MFSD2A: variants seen among roughly 807,000 people sequenced by gnomAD.
MFSD2A encodes sodium-dependent lysophosphatidylcholine symporter 1.
A neutral mutation model predicts 64.7 loss-of-function variants in MFSD2A; 27 were observed. The observed-to-expected ratio is 0.42, with a 90% CI of 0.31 to 0.58. The LOEUF (loss-of-function observed/expected upper bound fraction) is 0.58. MFSD2A is among the 20% of genes least tolerant of loss of function. The pLI is 0.18. For synonymous variants in MFSD2A, 258 were observed against 273.4 expected (o/e 0.94, Z 0.55); for missense variants, 474 against 679.5 (o/e 0.70, Z 3.36).
In MFSD2A at chr1:39,955,180, G is replaced by T. The variant is rs1644896879; in HGVS notation, c.-113G>T. 3.5e-6 allele frequency: 3 copies of T among 851,150 alleles called. No individual in the cohort carries two copies. The highest frequency in any genetic ancestry group is 3.5e-5 in the African/African-American group (2 of 56,748). The allele number at this position is 851,150 out of a possible 1,614,324, so 52.7% of individuals were successfully genotyped here. ...CCTCGTCTGCCAGCCGGCTTGGCTA[G>T]CGCGCGGCGGCCGTGGCTAAGGCTG... On this transcript the variant is annotated 5_prime_UTR_variant, in exon 1 of 14. Coordinates refer to ENST00000372811, the MANE Select transcript of MFSD2A (RefSeq NM_032793.5). This position sits in a 1 kb window ranked among gnomAD's most constrained non-coding sequence, Gnocchi z 5.9.
rs533659450 is a variant in MFSD2A at position 39,955,403 on chromosome 1, C to T, written c.93+18C>T. On this transcript the variant is annotated intron_variant, in intron 1 of 13. Coordinates refer to ENST00000372811, the MANE Select transcript of MFSD2A (RefSeq NM_032793.5). The surrounding 1 kb of genome is among the most constrained non-coding windows in gnomAD (Gnocchi z 5.9). ...AGGTGAAGGTGAGGGCCCGGCACCCCGCGTGGAGGGCGAGGGGAGGGAGGA... is the reference window on the plus strand; with the variant it reads ...AGGTGAAGGTGAGGGCCCGGCACCCTGCGTGGAGGGCGAGGGGAGGGAGGA... The T allele has an allele frequency of 5.3e-5, 80 of 1,510,292 alleles. 1 individual carries two copies. The Admixed American group carries it at 1.1e-3, about 22-fold the overall frequency. The allele number at this position is 1,510,292 out of a possible 1,614,324, so 93.6% of individuals were successfully genotyped here.
rs1570241405 is a variant in MFSD2A at position 39,960,231 on chromosome 1, G to T, written c.353+1406G>T. Among the ~76,000 whole-genome samples, 1 of 152,206 alleles carries T rather than the reference G, an allele frequency of 6.6e-6. No homozygotes were observed. On this transcript the variant is annotated intron_variant, in intron 3 of 13. Transcript: ENST00000372811. The surrounding 1 kb of genome is among the most constrained non-coding windows in gnomAD (Gnocchi z 4.8). Reference sequence around the variant, plus strand: ...CCTCCAGGACATCCTGCTTCAGGGTGTGGGGGGGCATACCCCTTTCATCTC... The same window carrying T: ...CCTCCAGGACATCCTGCTTCAGGGTTTGGGGGGGCATACCCCTTTCATCTC...
At chr1:39,959,424 A>T (rs1644990030) in intron 3 of MFSD2A, among the ~76,000 whole-genome samples, 1 of 151,374 alleles carries the variant, frequency 6.6e-6, no homozygotes. Context: ...ATCTTTTAAA[A>T]TTATTATTTG....
Position 39,965,499 on chromosome 1 carries a change from C to T in MFSD2A, c.506C>T (p.Thr169Ile). 6.2e-7 allele frequency: 1 copy of T among 1,614,122 alleles called. No individual in the cohort carries two copies. Among genetic ancestry groups the T allele is most frequent in the Non-Finnish European group, 8.5e-7 (1 of 1,180,018 alleles). ...TTCCATGTTCCCTACTCGGCTCTCA[C>T]CATGTTCATCAGCACCGAGCAGACT... ...TCFHVPYSAL[T>I]MFISTEQTER... Residue 169 changes from threonine (T) to isoleucine (I), a missense_variant, in exon 5 of 14, where the codon ACC (threonine) becomes ATC (isoleucine). Physicochemically the swap from Thr to Ile is moderately conservative, Grantham distance 89. Coordinates refer to ENST00000372811, the MANE Select transcript of MFSD2A (RefSeq NM_032793.5). This position sits in a 1 kb window ranked among gnomAD's most constrained non-coding sequence, Gnocchi z 5.5.
At chr1:39,962,612 T>C in intron 3 of MFSD2A, 4 of 802,258 alleles carry the variant, frequency 5.0e-6, no homozygotes, top group South Asian at 4.4e-5. Flanking sequence ...TGGGGAACTC[T>C]GGTGCCTTCC....
intron 11 of MFSD2A, 84 bp downstream of exon 11, chr1:39,968,000 G>A: frequency 3.5e-6 from 3 of 845,252 alleles, no homozygotes; most frequent in South Asian, 1.7e-5. Context: ...GTTCTATGCA[G>A]TGTTCTCCCA....
chr1:39,966,201 A>C (rs1024988104), intron 6 of MFSD2A, among the ~76,000 whole-genome samples, 187 bp downstream of exon 6: 1 of 152,254 alleles, frequency 6.6e-6, no homozygotes, highest in Non-Finnish European at 1.5e-5. Flanking sequence ...AGGCTGAATA[A>C]GTTGCCCAGA....
Position 39,958,206 on chromosome 1 carries a change from G to A in MFSD2A, c.229-495G>A, listed in dbSNP as rs934192952. On this transcript the variant is annotated intron_variant, in intron 2 of 13. Transcript: ENST00000372811. The surrounding 1 kb of genome is among the most constrained non-coding windows in gnomAD (Gnocchi z 4.7). Reference sequence around the variant, plus strand: ...TGGGGCGGGGAGGGGGATAACTTGAGTGGGTAGTGACAAGTCCCTTTTTAA... The same window carrying A: ...TGGGGCGGGGAGGGGGATAACTTGAATGGGTAGTGACAAGTCCCTTTTTAA... 6.6e-6 allele frequency among the ~76,000 whole-genome samples: 1 copy of A among 152,226 alleles called. No homozygotes were observed. The highest frequency in any genetic ancestry group is 3.4e-3 in the Middle Eastern group (1 of 294).
At chr1:39,956,141 G>C (rs1644922940) in intron 1 of MFSD2A, among the ~76,000 whole-genome samples, 7 of 152,200 alleles carry the variant, frequency 4.6e-5, no homozygotes, top group Non-Finnish European at 8.8e-5. Flanking sequence ...AACCTCCCTA[G>C]TGCCCCACCC....
At chr1:39,962,713 A>G in intron 3 of MFSD2A, 3 of 788,596 alleles carry the variant, frequency 3.8e-6, no homozygotes, top group Non-Finnish European at 6.5e-6. Flanking sequence ...GGCAAGGCCG[A>G]GGATAAGGAG....
chr1:39,969,427 G>A lies in MFSD2A; in HGVS notation c.1530-78G>A, dbSNP rs75536521. 72 of 1,300,238 alleles carry A rather than the reference G, an allele frequency of 5.5e-5. 1 individual carries two copies. In the East Asian group the frequency reaches 1.5e-3, roughly 27 times the overall value. The allele number at this position is 1,300,238 out of a possible 1,614,324, so 80.5% of individuals were successfully genotyped here. ...AGTCCGACAGCAGGGCCAAGATCAC[G>A]TGAGGAAGGAGGCAGGTGGGGCTGA... On this transcript the variant is annotated intron_variant, in intron 13 of 13. Transcript: ENST00000372811.
chr1:39,967,218 G>A (rs780343749), intron 9 of MFSD2A, 49 bp downstream of exon 9: 7 of 1,528,340 alleles, frequency 4.6e-6, no homozygotes, highest in Non-Finnish European at 6.3e-6. Context: ...AGGTGACATA[G>A]GCTGTGGAAT....
In MFSD2A at chr1:39,966,876, C is replaced by G; in HGVS notation, c.871C>G (p.His291Asp). The change falls in exon 8 of 14, where the codon CAC becomes GAC. Residue 291 changes from histidine (H) to aspartate (D), a missense_variant. Physicochemically the swap from His to Asp is moderately conservative, Grantham distance 81. Coordinates refer to ENST00000372811, the MANE Select transcript of MFSD2A (RefSeq NM_032793.5). ...CCGGGGCCTACGGCTGGTCATGAGC[C>G]ACGGCCCATACATCAAACTTATTAC... ...YFRGLRLVMS[H>D]GPYIKLITGF... The G allele has an allele frequency of 6.2e-7, 1 of 1,613,920 alleles. No homozygotes were observed.
chr1:39,958,065 G>C lies in MFSD2A; in HGVS notation c.229-636G>C, dbSNP rs1570236761. ...TGTTAGAGCTGGGGTTGGGGGGTTA[G>C]ACTAGGGAGACTATGGTATGGGGAA... On this transcript the variant is annotated intron_variant, in intron 2 of 13. Transcript: ENST00000372811. The surrounding 1 kb of genome is among the most constrained non-coding windows in gnomAD (Gnocchi z 4.7). The C allele has an allele frequency of 6.5e-6, 1 of 153,624 alleles. No individual in the cohort carries two copies. The highest frequency in any genetic ancestry group is 1.9e-4 in the East Asian group (1 of 5,176). 9.5% of individuals were successfully genotyped at this position (153,624 alleles called of 1,614,324 possible). A position where few individuals can be genotyped will look rare whatever the true frequency, so the allele number is the denominator to read the frequency against.
rs1438996304 is a variant in MFSD2A, at chr1:39,960,895, C to T, written c.353+2070C>T. ...AGCAGGTGCCTGTGTGCACATGCTT[C>T]TGTGGCTGGTGGTGCCTGTGTATGC... On this transcript the variant is annotated intron_variant, in intron 3 of 13. Transcript: ENST00000372811. The surrounding 1 kb of genome is among the most constrained non-coding windows in gnomAD (Gnocchi z 4.8). Among the ~76,000 whole-genome samples, 2 of 152,196 alleles carry T rather than the reference C, an allele frequency of 1.3e-5. No individual in the cohort carries two copies. Among genetic ancestry groups the T allele is most frequent in the Admixed American group, 1.3e-4 (2 of 15,276 alleles).
Position 39,968,147 on chromosome 1 carries a change from C to T in MFSD2A, c.1209-187C>T. The T allele has an allele frequency of 1.4e-6, 1 of 732,592 alleles. No homozygotes were observed. 45.4% of individuals were successfully genotyped at this position (732,592 alleles called of 1,614,324 possible). A position where few individuals can be genotyped will look rare whatever the true frequency, so the allele number is the denominator to read the frequency against. On this transcript the variant is annotated intron_variant, in intron 11 of 13. Coordinates refer to ENST00000372811, the MANE Select transcript of MFSD2A (RefSeq NM_032793.5). The surrounding 1 kb of genome is among the most constrained non-coding windows in gnomAD (Gnocchi z 4.4). ...TCTGGCCTGGGCTCCACTTGCCACG[C>T]TGAGCACCTCCAGGCAGGGTTACTT...
In MFSD2A at chr1:39,964,899, C is replaced by A. The variant is rs1387567654; in HGVS notation, c.354-312C>A. ...TTCTCTTTGCCTCCTTGCCCAGGCA[C>A]CTGAGGTCTTGGACTCCTGTCCTAA... On this transcript the variant is annotated intron_variant, in intron 3 of 13. Coordinates refer to ENST00000372811, the MANE Select transcript of MFSD2A (RefSeq NM_032793.5). The surrounding 1 kb of genome is among the most constrained non-coding windows in gnomAD (Gnocchi z 4.1). The A allele has an allele frequency of 7.8e-6, 3 of 382,456 alleles. No individual in the cohort carries two copies. The highest frequency in any genetic ancestry group is 1.4e-5 in the Non-Finnish European group (3 of 206,948). The allele number at this position is 382,456 out of a possible 1,614,324, so 23.7% of individuals were successfully genotyped here. A position where few individuals can be genotyped will look rare whatever the true frequency, so the allele number is the denominator to read the frequency against.
intron 3 of MFSD2A, chr1:39,962,689 G>A: frequency 2.6e-6 from 2 of 779,012 alleles, no homozygotes; most frequent in Non-Finnish European, 4.4e-6. Context: ...GGCCGAAGCT[G>A]CGGAGCTTGC....
chr1:39,957,203 C>T lies in MFSD2A; in HGVS notation c.210C>T (p.Tyr70=). 1.2e-6 allele frequency: 2 copies of T among 1,602,734 alleles called. No individual in the cohort carries two copies. Among genetic ancestry groups the T allele is most frequent in the Non-Finnish European group, 1.7e-6 (2 of 1,173,836 alleles). ...CCCTGGGTTTCTTCCTTCAGATCTACCTATTGGATGTGGCTCAGGTGAGTG... is the reference window on the plus strand; with the variant it reads ...CCCTGGGTTTCTTCCTTCAGATCTATCTATTGGATGTGGCTCAGGTGAGTG... The part of the protein sequence containing the change: ...GCALGFFLQI[Y]LLDVAQVGPF... Residue 70 remains tyrosine, a synonymous_variant, in exon 2 of 14, where the codon TAC becomes TAT. Transcript: ENST00000372811.
Sources: gnomAD v4.1 joint callset for allele counts (sites outside exome capture counted in the v4.1 genomes callset) on GRCh38, gnomAD v4.1.1 for gene constraint, Gnocchi (gnomAD v3.1) non-coding constraint, MANE v1.5 for transcripts, NCBI Gene and HGNC (gene_info 2026-07-23, HGNC 2026-07-21) for gene names.